The following TTC28 variants were observed in gnomAD, a reference collection of about 807,000 sequenced individuals.
TTC28 encodes the protein tetratricopeptide repeat domain 28.
In TTC28, 61 loss-of-function variants were observed where a neutral mutation model predicts 198.0. The ratio of observed to expected loss-of-function variants is 0.31; its 90% confidence interval spans 0.25 to 0.38. TTC28 has a LOEUF of 0.38. Among genes scored for constraint, TTC28 ranks in the 10% least tolerant of loss-of-function variants. The probability of loss-of-function intolerance (pLI) is 1.00; values close to 1 mark genes in which losing one functional copy is unlikely to be tolerated. For missense variants in TTC28, 2,678 were observed against 3,164.0 expected (o/e 0.85, Z 3.69); for synonymous variants, 1,171 against 1,297.8 (o/e 0.90, Z 2.10).
At chr22:28,045,217 C>T (rs1939816680) in intron 12 of TTC28, among the ~76,000 whole-genome samples, 1 of 152,082 alleles carries the variant, frequency 6.6e-6, no homozygotes. Flanking sequence ...GGACCAGAAG[C>T]ATTTTGAATT....
intron 12 of TTC28, among the ~76,000 whole-genome samples, chr22:28,090,796 T>C (rs1459903681): frequency 1.3e-5 from 2 of 152,212 alleles, no homozygotes; most frequent in African/African-American, 4.8e-5. Context: ...GAGACACGAA[T>C]CGCTCTCACA....
intron 5 of TTC28, among the ~76,000 whole-genome samples, chr22:28,226,038 C>T (rs1928316837): frequency 6.6e-6 from 1 of 152,268 alleles, no homozygotes. Flanking sequence ...TATCCATTCA[C>T]CTGCTAGTGG....
At chr22:28,443,218 C>A (rs1423815801) in intron 2 of TTC28, 1 of 152,234 alleles carries the variant, frequency 6.6e-6, no homozygotes, top group Non-Finnish European at 1.5e-5. Context: ...AGGGGGTCTC[C>A]AAGCTGGCTG....
At chr22:28,328,195 G>A (rs1431274267) in intron 2 of TTC28, among the ~76,000 whole-genome samples, 1 of 152,164 alleles carries the variant, frequency 6.6e-6, no homozygotes, top group African/African-American at 2.4e-5. Context: ...ATTTGGTGAA[G>A]CCAAGGCGGG....
intron 2 of TTC28, among the ~76,000 whole-genome samples, chr22:28,552,677 G>A (rs560123981): frequency 6.6e-6 from 1 of 152,232 alleles, no homozygotes; most frequent in African/African-American, 2.4e-5. Flanking sequence ...TCAAGCCACA[G>A]GTAGAAGAAT....
At chr22:28,620,349 CAAAAAA>C (rs34680067) in intron 2 of TTC28, among the ~76,000 whole-genome samples, 6 of 142,562 alleles carry the variant, frequency 4.2e-5, no homozygotes, top group Non-Finnish European at 9.1e-5. Context: ...ATCTCTGTCT[CAAAAAA>C]AAAAAAAGAA....
Position 28,480,878 on chromosome 22 carries a change from T to C in TTC28, c.381+148674A>G, listed in dbSNP as rs185750346. Among the ~76,000 whole-genome samples, 303 of 152,296 alleles carry C rather than the reference T, an allele frequency of 2.0e-3. 3 individuals carry two copies. Among genetic ancestry groups the C allele is most frequent in the Non-Finnish European group, 3.6e-3 (243 of 68,020 alleles). On this transcript the variant is annotated intron_variant, in intron 2 of 22. Coordinates refer to ENST00000397906, the MANE Select transcript of TTC28 (RefSeq NM_001145418.2). Reference sequence around the variant, plus strand: ...CAAAATCATTAATTTCAAAGAATAATCACCTCTGACTGTATGTGAGGCCCT... The same window carrying C: ...CAAAATCATTAATTTCAAAGAATAACCACCTCTGACTGTATGTGAGGCCCT...
chr22:28,388,251 T>C (rs2046649640), intron 2 of TTC28, among the ~76,000 whole-genome samples: 2 of 152,218 alleles, frequency 1.3e-5, no homozygotes, highest in South Asian at 2.1e-4. Context: ...ACTGTAGCCT[T>C]GTAGTATAGT....
chr22:28,535,270 T>C (rs1284584235), intron 2 of TTC28, among the ~76,000 whole-genome samples: 3 of 152,190 alleles, frequency 2.0e-5, no homozygotes, highest in African/African-American at 7.2e-5. Flanking sequence ...GGCATAAATA[T>C]TAATTTTACA....
intron 3 of TTC28, among the ~76,000 whole-genome samples, chr22:28,305,911 G>A (rs933069741): frequency 4.6e-5 from 7 of 152,230 alleles, no homozygotes; most frequent in South Asian, 2.1e-4. Flanking sequence ...ATACCAACCA[G>A]CGTAAAGTAG....
At chr22:28,313,118 T>A (rs2045294556) in intron 2 of TTC28, among the ~76,000 whole-genome samples, 1 of 152,042 alleles carries the variant, frequency 6.6e-6, no homozygotes, top group Non-Finnish European at 1.5e-5. Flanking sequence ...CTAGAAGAAA[T>A]GGATAAATTC....
At chr22:28,537,299 A>ATAAATTAAATTAAATT (rs1491268139) in intron 2 of TTC28, among the ~76,000 whole-genome samples, 14 of 103,726 alleles carry the variant, frequency 1.3e-4, no homozygotes, top group Middle Eastern at 4.0e-3. Context: ...TCTCAAAAAT[A>ATAAATTAAATTAAATT]AAATAAAATA....
At chr22:28,324,094 C>T (rs924814904) in intron 2 of TTC28, among the ~76,000 whole-genome samples, 4 of 152,116 alleles carry the variant, frequency 2.6e-5, no homozygotes, top group African/African-American at 9.7e-5. Context: ...AACACCAGGC[C>T]TATTCTAAAA....
intron 2 of TTC28, among the ~76,000 whole-genome samples, chr22:28,339,877 C>T (rs1336785025): frequency 6.6e-6 from 1 of 152,142 alleles, no homozygotes; most frequent in Non-Finnish European, 1.5e-5. Flanking sequence ...GGCTCACACT[C>T]AGTGGGCTGC....
chr22:28,383,770 C>G (rs770696571), intron 2 of TTC28, among the ~76,000 whole-genome samples: 4 of 152,270 alleles, frequency 2.6e-5, no homozygotes, highest in Middle Eastern at 3.4e-3. Flanking sequence ...ACAAGGGCCT[C>G]CCAATTGGAA....
chr22:28,393,687 CT>C (rs2046770778), intron 2 of TTC28, among the ~76,000 whole-genome samples: 2 of 152,102 alleles, frequency 1.3e-5, no homozygotes, highest in Admixed American at 1.3e-4. Flanking sequence ...GAGGGAGACC[CT>C]GTCTTAAAAA....
In TTC28 at chr22:27,982,584, C is replaced by A; in HGVS notation, c.7083G>T (p.Lys2361Asn). The A allele has an allele frequency of 6.4e-7, 1 of 1,551,774 alleles. No individual in the cohort carries two copies. Among genetic ancestry groups the A allele is most frequent in the Non-Finnish European group, 8.7e-7 (1 of 1,147,012 alleles). Residue 2361 changes from lysine to asparagine, a missense_variant, in exon 23 of 23, where the codon AAG becomes AAT. Around this residue, in one of 8 missense-constraint regions of TTC28, gnomAD observed 622 missense variants for 656.0 expected, o/e 0.95. Transcript: ENST00000397906. The surrounding 1 kb of genome is among the most constrained non-coding windows in gnomAD (Gnocchi z 5.2). ...GCTGGGGTGTGCTCTGCCAGAACAT[C>A]TTCAGGTTATGGACAGCCTGCACCT... The part of the protein sequence containing the change: ...DEKVQAVHNL[K>N]MFWQSTPQHS...
At chr22:28,532,692 C>A (rs1473602255) in intron 2 of TTC28, among the ~76,000 whole-genome samples, 1 of 152,174 alleles carries the variant, frequency 6.6e-6, no homozygotes, top group Admixed American at 6.5e-5. Flanking sequence ...AGCAGCATAT[C>A]AAAAGGCTTA....
chr22:28,365,162 A>G (rs1159969486), intron 2 of TTC28, among the ~76,000 whole-genome samples: 4 of 152,228 alleles, frequency 2.6e-5, no homozygotes, highest in South Asian at 2.1e-4. Flanking sequence ...ACCCCTCACC[A>G]GCAAAGGGCT....
Sources: allele counts gnomAD v4.1 joint callset (sites outside exome capture counted in the v4.1 genomes callset), GRCh38; gene constraint gnomAD v4.1.1; regional missense constraint gnomAD v4.1.1; non-coding constraint Gnocchi (gnomAD v3.1); transcripts MANE v1.5; gene names NCBI Gene and HGNC (gene_info 2026-07-23, HGNC 2026-07-21).